SGCZ: variants seen among roughly 807,000 people sequenced by gnomAD.
SGCZ encodes zeta-sarcoglycan.
SGCZ carries 40 observed loss-of-function variants against 41.3 expected under a neutral mutation model. The ratio of observed to expected loss-of-function variants is 0.97; its 90% CI spans 0.75 to 1.26. The LOEUF is 1.26. SGCZ is among the 50% of genes most tolerant of loss of function. The probability of loss-of-function intolerance (pLI) is 0.00; values close to 1 mark genes in which losing one functional copy is unlikely to be tolerated. For missense variants in SGCZ, 552 were observed against 369.8 expected, an observed-to-expected ratio of 1.49 and a Z score of -4.04; for synonymous variants, 206 against 137.5, an observed-to-expected ratio of 1.50 and a Z score of -3.49.
At chr8:14,765,986 A>ATTGT in intron 1 of SGCZ, among the ~76,000 whole-genome samples, 4 of 104,668 alleles carry the variant, frequency 3.8e-5, no homozygotes, top group Non-Finnish European at 9.5e-5. Context: ...TTTTTTTTTA[A>ATTGT]CAGAGGCTGA....
chr8:14,157,250 T>C (rs1469357193), intron 5 of SGCZ, among the ~76,000 whole-genome samples: 1 of 149,810 alleles, frequency 6.7e-6, no homozygotes, highest in Admixed American at 6.7e-5. Flanking sequence ...GAACATTATA[T>C]AGCACATAAT....
chr8:14,219,715 C>A (rs1237658519), intron 4 of SGCZ, among the ~76,000 whole-genome samples: 1 of 151,672 alleles, frequency 6.6e-6, no homozygotes, highest in Non-Finnish European at 1.5e-5. Flanking sequence ...CCACTGCACT[C>A]CAGCCTGGCG....
intron 2 of SGCZ, among the ~76,000 whole-genome samples, chr8:14,521,051 G>A (rs915624640): frequency 6.6e-5 from 10 of 152,060 alleles, no homozygotes; most frequent in Middle Eastern, 3.4e-3. Flanking sequence ...GAGAATTCCC[G>A]TGTACATCGT....
chr8:14,215,846 A>G (rs1805975535), intron 4 of SGCZ, among the ~76,000 whole-genome samples: 1 of 152,244 alleles, frequency 6.6e-6, no homozygotes, highest in African/African-American at 2.4e-5. Context: ...TATCCCAAAA[A>G]GAAAATACCT....
chr8:14,817,013 A>T (rs557789402), intron 1 of SGCZ, among the ~76,000 whole-genome samples: 2 of 152,334 alleles, frequency 1.3e-5, no homozygotes, highest in East Asian at 3.9e-4. Flanking sequence ...AAGTGGTACC[A>T]TCATTCCTCA....
rs530689890 is a variant in SGCZ, at chr8:15,116,528, G to A, written c.39+121057C>T. On this transcript the variant is annotated intron_variant, in intron 1 of 7. Coordinates refer to ENST00000382080, the MANE Select transcript of SGCZ (RefSeq NM_139167.4). ...AGATTTTGTCAAAGGTCTTTTAGCT[G>A]GGTGACAAGTCTTACTTTATTAAAC... Among the ~76,000 whole-genome samples the A allele has an allele frequency of 1.3e-4, 20 of 152,280 alleles. No homozygotes were observed. In the South Asian group the frequency reaches 3.7e-3, roughly 28 times the overall value.
chr8:14,663,528 C>T (rs183625035), intron 1 of SGCZ, among the ~76,000 whole-genome samples: 163 of 152,092 alleles, frequency 1.1e-3, no homozygotes, highest in Non-Finnish European at 1.8e-3. Flanking sequence ...GTGCATGCCT[C>T]CTATCTGTAA....
intron 2 of SGCZ, among the ~76,000 whole-genome samples, chr8:14,507,575 T>G (rs987571592): frequency 2.8e-4 from 43 of 152,182 alleles, no homozygotes; most frequent in Non-Finnish European, 5.3e-4. Flanking sequence ...TTTTATCACA[T>G]ATTTATTGAC....
chr8:15,219,690 A>G (rs573276188), intron 1 of SGCZ, among the ~76,000 whole-genome samples: 1 of 152,290 alleles, frequency 6.6e-6, no homozygotes, highest in Admixed American at 6.5e-5. Flanking sequence ...GTGAATACAG[A>G]AGGAAACAGG....
At chr8:14,564,059 G>C (rs2117213505) in intron 1 of SGCZ, among the ~76,000 whole-genome samples, 1 of 152,252 alleles carries the variant, frequency 6.6e-6, no homozygotes, top group South Asian at 2.1e-4. Flanking sequence ...GTTTAGACCT[G>C]TGTTCCCTGT....
At chr8:15,150,471 C>G (rs1396041853) in intron 1 of SGCZ, among the ~76,000 whole-genome samples, 1 of 152,166 alleles carries the variant, frequency 6.6e-6, no homozygotes, top group Non-Finnish European at 1.5e-5. Flanking sequence ...GTGATTCACT[C>G]CCATCCTCTG....
At chr8:14,930,164 A>T (rs1235124534) in intron 1 of SGCZ, among the ~76,000 whole-genome samples, 4 of 152,092 alleles carry the variant, frequency 2.6e-5, no homozygotes, top group African/African-American at 7.3e-5. Flanking sequence ...AACCCCATCA[A>T]AAAGTGGGCG....
intron 1 of SGCZ, among the ~76,000 whole-genome samples, chr8:14,714,311 T>C (rs1192903730): frequency 6.6e-6 from 1 of 152,122 alleles, no homozygotes; most frequent in Non-Finnish European, 1.5e-5. Flanking sequence ...GAAACAAACT[T>C]TTAAAAGTTT....
chr8:14,284,034 T>A (rs549205794), intron 3 of SGCZ, among the ~76,000 whole-genome samples: 3 of 152,366 alleles, frequency 2.0e-5, no homozygotes, highest in Admixed American at 6.5e-5. Flanking sequence ...ATCTTTCTTG[T>A]GAATTGGGCC....
At chr8:14,978,792 A>AC (rs1801571340) in intron 1 of SGCZ, among the ~76,000 whole-genome samples, 1 of 124,972 alleles carries the variant, frequency 8.0e-6, no homozygotes, top group South Asian at 2.7e-4. Context: ...ATCAGAGTTT[A>AC]CAATTTTTTG....
chr8:14,844,929 G>T (rs1186755931), intron 1 of SGCZ, among the ~76,000 whole-genome samples: 1 of 152,148 alleles, frequency 6.6e-6, no homozygotes, highest in East Asian at 1.9e-4. Flanking sequence ...TGCAGGGAGG[G>T]AATACCCAGG....
At chr8:15,215,512 T>C (rs1176871798) in intron 1 of SGCZ, among the ~76,000 whole-genome samples, 1 of 152,172 alleles carries the variant, frequency 6.6e-6, no homozygotes, top group East Asian at 1.9e-4. Context: ...TAGCAATGCC[T>C]ATAGGTGTTT....
intron 3 of SGCZ, among the ~76,000 whole-genome samples, chr8:14,302,966 G>A (rs976506213): frequency 1.3e-5 from 2 of 151,984 alleles, no homozygotes; most frequent in Admixed American, 1.3e-4. Flanking sequence ...AGTCATATTC[G>A]TGCTTCTTAC....
At chr8:14,791,506 C>T (rs142125388) in intron 1 of SGCZ, among the ~76,000 whole-genome samples, 3 of 152,184 alleles carry the variant, frequency 2.0e-5, no homozygotes, top group Admixed American at 1.3e-4. Flanking sequence ...AAATCCACAT[C>T]CCCTGTAGTT....
Sources: allele counts gnomAD v4.1 joint callset (sites outside exome capture counted in the v4.1 genomes callset), GRCh38; gene constraint gnomAD v4.1.1; transcripts MANE v1.5; gene names NCBI Gene and HGNC (gene_info 2026-07-23, HGNC 2026-07-21).